NEB: variants seen among roughly 807,000 people sequenced by gnomAD.
NEB encodes nebulin, also known as nemaline myopathy type 2.
Under a neutral mutation model 952.2 loss-of-function variants are expected in NEB, and 512 were observed. The ratio of observed to expected loss-of-function variants is 0.54; its 90% CI spans 0.50 to 0.58. The LOEUF is 0.58. Among genes scored for constraint, NEB ranks in the 20% least tolerant of loss-of-function variants. The pLI is 0.00. For missense variants in NEB, 8,428 were observed against 9,231.1 expected, an observed-to-expected ratio of 0.91 and a Z score of 3.56; for synonymous variants, 2,900 against 3,149.8, an observed-to-expected ratio of 0.92 and a Z score of 2.66.
intron 171 of NEB, chr2:151,497,281 AT>A (rs376283107): frequency 0.017 from 12,150 of 703,140 alleles, no homozygotes; most frequent in Middle Eastern, 0.023. Flanking sequence ...TATCCATGTT[AT>A]TTTTTTTTTT....
At position 151,508,030 on chromosome 2, in the gene NEB, C is replaced by T. The variant is rs753384215; in HGVS notation, c.23426G>A (p.Arg7809Gln). 26 of 1,609,712 alleles carry T rather than the reference C, an allele frequency of 1.6e-5. No individual in the cohort carries two copies. Among genetic ancestry groups the T allele is most frequent in the South Asian group, 1.1e-4 (10 of 90,140 alleles). Residue 7809 changes from arginine to glutamine, a missense_variant, in exon 162 of 182, where the codon CGG becomes CAG. Physicochemically the swap from Arg to Gln is conservative, Grantham distance 43. This residue lies in a region of NEB where 3,374 missense variants were observed against 3,651.5 expected (regional missense o/e 0.92). Transcript: ENST00000397345. ...AAGGCTGAAGTTCTTTTGGTTCTCC[C>T]GGACTCTCTGTATCTCTGGGGTGTC... ...VLDTPEIQRV[R>Q]ENQKNFSLLQ... is the part of the protein sequence containing the mutation.
intron 84 of NEB, among the ~76,000 whole-genome samples, chr2:151,605,412 G>T (rs1313301941): frequency 1.7e-4 from 18 of 105,704 alleles, no homozygotes; most frequent in African/African-American, 4.4e-4. Flanking sequence ...GTAGGGAGAG[G>T]TCATACGTGT....
intron 109 of NEB, among the ~76,000 whole-genome samples, chr2:151,569,664 G>A (rs904359388): frequency 1.3e-5 from 2 of 152,028 alleles, no homozygotes; most frequent in Admixed American, 6.6e-5. Context: ...TGGGAAATCC[G>A]ACATTTGTAC....
At chr2:151,640,133 C>T in intron 61 of NEB, 73 bp from the exon 62 acceptor site, 1 of 1,529,166 alleles carries the variant, frequency 6.5e-7, no homozygotes, top group South Asian at 1.2e-5. Context: ...GATAAGAGAT[C>T]AAGTAAAAGC....
At chr2:151,656,770 G>A (rs138201194) in intron 48 of NEB, among the ~76,000 whole-genome samples, 3 of 151,684 alleles carry the variant, frequency 2.0e-5, no homozygotes, top group Non-Finnish European at 4.4e-5. Flanking sequence ...TTGTGATGAT[G>A]CATCACACTG....
At chr2:151,658,727 G>C (rs562766815) in intron 47 of NEB, among the ~76,000 whole-genome samples, 1 of 152,116 alleles carries the variant, frequency 6.6e-6, no homozygotes, top group Admixed American at 6.5e-5. Flanking sequence ...CTTGATGGAA[G>C]GGCTGTCTAA....
At chr2:151,624,525 A>G (rs1457586015) in intron 71 of NEB, among the ~76,000 whole-genome samples, 1 of 152,172 alleles carries the variant, frequency 6.6e-6, no homozygotes, top group African/African-American at 2.4e-5. Context: ...AAGGCCAATC[A>G]AATATCTATA....
intron 174 of NEB, 92 bp from the exon 175 acceptor site, chr2:151,493,959 C>G: frequency 1.0e-6 from 1 of 960,250 alleles, no homozygotes; most frequent in Non-Finnish European, 1.6e-6. Context: ...TATGTTTAAT[C>G]TATTACTATT....
In NEB at chr2:151,490,448, C is replaced by T. The variant is rs759047810; in HGVS notation, c.25221G>A (p.Glu8407=). The change falls in exon 180 of 182, where the codon GAG becomes GAA. Residue 8407 remains glutamate, a synonymous_variant. Transcript: ENST00000397345. ...ASALSISGGE[E]KSEHSEAPDH... Reference sequence around the variant, plus strand: ...CTGGTGCTTCTGAATGCTCAGACTTCTCCTCACCCCCACTGATGCTTAGTG... The same window carrying T: ...CTGGTGCTTCTGAATGCTCAGACTTTTCCTCACCCCCACTGATGCTTAGTG... 2.5e-6 allele frequency: 4 copies of T among 1,606,290 alleles called. No homozygotes were observed. Among genetic ancestry groups the T allele is most frequent in the Non-Finnish European group, 3.4e-6 (4 of 1,176,366 alleles).
chr2:151,546,226 T>C, intron 134 of NEB, 119 bp downstream of exon 134: 1 of 819,370 alleles, frequency 1.2e-6, no homozygotes, highest in Non-Finnish European at 2.0e-6. Context: ...GAGTTAATGA[T>C]AAATTTCCCC....
intron 135 of NEB, among the ~76,000 whole-genome samples, chr2:151,544,589 G>C (rs1180589414): frequency 2.6e-5 from 4 of 152,210 alleles, no homozygotes; most frequent in Non-Finnish European, 4.4e-5. Context: ...TCTAGTCTGA[G>C]TGCGAGTGCG....
intron 92 of NEB, 93 bp from the exon 93 acceptor site, chr2:151,594,411 G>A: frequency 7.3e-7 from 1 of 1,361,266 alleles, no homozygotes; most frequent in South Asian, 1.3e-5. Context: ...TGTTTTCTTA[G>A]CCTTGGTATA....
In NEB at chr2:151,671,166, G is replaced by C; in HGVS notation, c.4363C>G (p.Leu1455Val). 1 of 1,613,868 alleles carries C rather than the reference G, an allele frequency of 6.2e-7. No homozygotes were observed. The highest frequency in any genetic ancestry group is 1.6e-4 in the Middle Eastern group (1 of 6,062). The change falls in exon 38 of 182, where the codon CTG (leucine) becomes GTG (valine). Residue 1455 changes from leucine to valine, a missense_variant. Physicochemically the swap from Leu to Val is conservative, Grantham distance 32. Coordinates refer to ENST00000397345, the MANE Select transcript of NEB (RefSeq NM_001164508.2). ...GCTTTCTTGACCTTCTCCACCTCCA[G>C]GGAACCAATAGGGATCCATCCGATG... ...KGIGWIPIGS[L>V]EVEKVKKAGD...
At chr2:151,694,227 C>T (rs1017699373) in intron 20 of NEB, 96 bp downstream of exon 20, 2 of 1,054,352 alleles carry the variant, frequency 1.9e-6, no homozygotes, top group Non-Finnish European at 1.4e-6. Flanking sequence ...ATCTTGAATC[C>T]AAGATTTCAG....
chr2:151,538,333 C>T, intron 138 of NEB, 89 bp from the exon 139 acceptor site: 1 of 985,332 alleles, frequency 1.0e-6, no homozygotes, highest in Non-Finnish European at 1.6e-6. Context: ...TGTCTTCTCT[C>T]TGGTTTTCCC....
In NEB at chr2:151,485,654, A is replaced by G; in HGVS notation, c.*106T>C. ...CTACCATAAATCACATTGACACAGA[A>G]AAACCATAGGCAGCTTGAGAACTTA... On this transcript the variant is annotated 3_prime_UTR_variant, in exon 182 of 182. Coordinates refer to ENST00000397345, the MANE Select transcript of NEB (RefSeq NM_001164508.2). 1 of 1,140,928 alleles carries G rather than the reference A, an allele frequency of 8.8e-7. No individual in the cohort carries two copies. Among genetic ancestry groups the G allele is most frequent in the African/African-American group, 1.5e-5 (1 of 64,990 alleles). 70.7% of individuals were successfully genotyped at this position (1,140,928 alleles called of 1,614,324 possible).
chr2:151,687,800 C>T lies in NEB; in HGVS notation c.2416-67G>A, dbSNP rs1576373254. On this transcript the variant is annotated intron_variant, in intron 25 of 181. Coordinates refer to ENST00000397345, the MANE Select transcript of NEB (RefSeq NM_001164508.2). ...GTGTAATCCAGTAAAAAAATAAAAA[C>T]ATATTGAAAATTTGTGTATGTATAG... The T allele has an allele frequency of 2.1e-6, 3 of 1,432,118 alleles. No individual in the cohort carries two copies. In the South Asian group the frequency reaches 3.7e-5, roughly 18 times the overall value. The allele number at this position is 1,432,118 out of a possible 1,614,324, so 88.7% of individuals were successfully genotyped here.
chr2:151,673,844 G>C (rs550600476), intron 36 of NEB, among the ~76,000 whole-genome samples: 47 of 149,832 alleles, frequency 3.1e-4, no homozygotes, highest in Non-Finnish European at 5.8e-4. Context: ...CGCCATTCTC[G>C]GGCCTCAGCC....
At position 151,578,793 on chromosome 2, in the gene NEB, CG is replaced by C. The variant is rs1355602552; in HGVS notation, c.16704+544del. ...AATGAAGGAAGGAAGGAAGGAAGGG[CG>C]GGCAAGGCTGGGCATGGTGGCTCAC... On this transcript the variant is annotated intron_variant, in intron 105 of 181. Transcript: ENST00000397345. 2.0e-5 allele frequency among the ~76,000 whole-genome samples: 3 copies of C among 146,404 alleles called. No homozygotes were observed. In the Admixed American group the frequency reaches 2.1e-4, roughly 10 times the overall value.
Sources: allele counts gnomAD v4.1 joint callset (sites outside exome capture counted in the v4.1 genomes callset), GRCh38; gene constraint gnomAD v4.1.1; regional missense constraint gnomAD v4.1.1; transcripts MANE v1.5; gene names NCBI Gene and HGNC (gene_info 2026-07-23, HGNC 2026-07-21).